The following TPH1 variants were observed in gnomAD, a reference collection of about 807,000 sequenced individuals.
TPH1 encodes tryptophan 5-hydroxylase 1.
Under a neutral mutation model 49.5 loss-of-function variants are expected in TPH1, and 37 were observed. The ratio of observed to expected loss-of-function variants is 0.75; its 90% confidence interval spans 0.58 to 0.98. TPH1 has a LOEUF of 0.98. Among genes scored for constraint, TPH1 ranks in the 50% least tolerant of loss-of-function variants. The probability of loss-of-function intolerance (pLI) is 0.00; values close to 1 mark genes in which losing one functional copy is unlikely to be tolerated. For synonymous variants in TPH1, 160 were observed against 182.1 expected (o/e 0.88, Z 0.98); for missense variants, 487 against 523.6 (o/e 0.93, Z 0.68).
chr11:18,030,129 C>T (rs1336479308), intron 4 of TPH1, among the ~76,000 whole-genome samples: 1 of 152,048 alleles, frequency 6.6e-6, no homozygotes, highest in Non-Finnish European at 1.5e-5. Flanking sequence ...GACAAAATGG[C>T]TGAGCATGGT....
intron 1 of TPH1, 147 bp from the exon 2 acceptor site, chr11:18,040,935 T>A (rs10488682): frequency 0.23 from 155,991 of 687,316 alleles, 19,403 homozygotes; most frequent in Non-Finnish European, 0.26. Context: ...TTTGCAAGAA[T>A]CTAGTGAGAC....
At chr11:18,031,460 A>G (rs1336333722) in intron 4 of TPH1, among the ~76,000 whole-genome samples, 1 of 152,108 alleles carries the variant, frequency 6.6e-6, no homozygotes, top group Admixed American at 6.5e-5. Context: ...TATATTTTCA[A>G]TTCTTTTAAG....
chr11:18,036,252 G>T, intron 2 of TPH1, 110 bp from the exon 3 acceptor site: 1 of 805,606 alleles, frequency 1.2e-6, no homozygotes, highest in Non-Finnish European at 2.0e-6. Flanking sequence ...TCTCAGAACA[G>T]CAAAGGGAAA....
chr11:18,042,480 G>T, intron 1 of TPH1: 2 of 364,394 alleles, frequency 5.5e-6, no homozygotes, highest in South Asian at 2.1e-5. Flanking sequence ...ATAACAAATT[G>T]CTAGTAATAA....
intron 2 of TPH1, among the ~76,000 whole-genome samples, chr11:18,037,533 G>C (rs929497883): frequency 1.3e-5 from 2 of 151,900 alleles, no homozygotes; most frequent in African/African-American, 2.4e-5. Flanking sequence ...GTAAAGAAGA[G>C]TTTCATTTCA....
Position 18,019,930 on chromosome 11 carries a change from A to T in TPH1, c.*1061T>A. The stretch of plus-strand genomic sequence containing the variant: ...CTCTTCTTGACCTTTCTGACATTCT[A>T]TTTCCTCCCCTTTTCTGCAGCCTCT... On this transcript the variant is annotated 3_prime_UTR_variant, in exon 11 of 11. Transcript: ENST00000682019. 1 of 353,642 alleles carries T rather than the reference A, an allele frequency of 2.8e-6. No individual in the cohort carries two copies. Among genetic ancestry groups the T allele is most frequent in the Non-Finnish European group, 5.6e-6 (1 of 180,150 alleles). 21.9% of individuals were successfully genotyped at this position (353,642 alleles called of 1,614,324 possible).
chr11:18,031,685 C>T (rs1485539500), intron 4 of TPH1, among the ~76,000 whole-genome samples: 1 of 152,112 alleles, frequency 6.6e-6, no homozygotes, highest in African/African-American at 2.4e-5. Context: ...CTTAGTAGAT[C>T]AGTAAAACTG....
chr11:18,024,870 TTG>T (rs1244807794), intron 8 of TPH1, among the ~76,000 whole-genome samples: 1 of 152,208 alleles, frequency 6.6e-6, no homozygotes, highest in Admixed American at 6.5e-5. Flanking sequence ...AAGCACCACC[TTG>T]TCTTTCCTTG....
chr11:18,023,597 A>G (rs1214145868), intron 9 of TPH1, among the ~76,000 whole-genome samples: 1 of 152,144 alleles, frequency 6.6e-6, no homozygotes, highest in Non-Finnish European at 1.5e-5. Flanking sequence ...CCACAGCTCT[A>G]TTCAACCCAC....
intron 8 of TPH1, 132 bp from the exon 9 acceptor site, chr11:18,024,115 A>T (rs1474516305): frequency 1.4e-6 from 1 of 720,478 alleles, no homozygotes; most frequent in Non-Finnish European, 2.5e-6. Context: ...AAGTCTTTCT[A>T]CAATCTGACC....
intron 9 of TPH1, among the ~76,000 whole-genome samples, 157 bp downstream of exon 9, chr11:18,023,731 T>C (rs746891020): frequency 2.6e-5 from 4 of 152,142 alleles, no homozygotes; most frequent in Admixed American, 6.6e-5. Context: ...TGATATAATA[T>C]ATAATTGGGA....
chr11:18,025,704 G>A lies in TPH1; in HGVS notation c.804-3C>T, dbSNP rs1847922934. The A allele has an allele frequency of 1.2e-6, 2 of 1,613,750 alleles. No individual in the cohort carries two copies. Among genetic ancestry groups the A allele is most frequent in the African/African-American group, 1.3e-5 (1 of 74,912 alleles). ...CTAAGAGTTCATGGCAGGTATCTCT[G>A]AAAGAGAGGTACAAGTTTGTCACGC... On this transcript the variant is annotated splice_region_variant and splice_polypyrimidine_tract_variant and intron_variant, in intron 7 of 10. Transcript: ENST00000682019.
intron 1 of TPH1, among the ~76,000 whole-genome samples, chr11:18,045,325 A>T (rs1319039386): frequency 6.6e-6 from 1 of 152,244 alleles, no homozygotes; most frequent in Non-Finnish European, 1.5e-5. Flanking sequence ...ACAGTATTCT[A>T]GGAAATAAAG....
chr11:18,036,415 C>G (rs1052070129), intron 2 of TPH1, among the ~76,000 whole-genome samples: 2 of 152,088 alleles, frequency 1.3e-5, no homozygotes, highest in African/African-American at 4.8e-5. Flanking sequence ...GAATTCAAAT[C>G]AAAATATTAT....
chr11:18,038,246 T>A (rs1264964723), intron 2 of TPH1, among the ~76,000 whole-genome samples: 2 of 151,972 alleles, frequency 1.3e-5, no homozygotes, highest in Non-Finnish European at 2.9e-5. Flanking sequence ...AGAAAAATAG[T>A]TTAAAGAGTT....
chr11:18,040,798 G>T lies in TPH1; in HGVS notation c.-26-10C>A. Reference sequence around the variant, plus strand: ...GAGTAATTCTCTAAAACTAAAGTATGAAAACAAAGACTACGGGCTAAAAAA... The same window carrying T: ...GAGTAATTCTCTAAAACTAAAGTATTAAAACAAAGACTACGGGCTAAAAAA... On this transcript the variant is annotated splice_polypyrimidine_tract_variant and intron_variant, in intron 1 of 10. Coordinates refer to ENST00000682019, the MANE Select transcript of TPH1 (RefSeq NM_004179.3). The T allele has an allele frequency of 6.2e-7, 1 of 1,604,128 alleles. No homozygotes were observed.
intron 1 of TPH1, among the ~76,000 whole-genome samples, chr11:18,041,601 C>T (rs1475785874): frequency 1.3e-5 from 2 of 152,198 alleles, no homozygotes; most frequent in Non-Finnish European, 2.9e-5. Context: ...AGATTTTCCT[C>T]ACGGAAGAAA....
At chr11:18,023,560 T>C (rs1854388521) in intron 9 of TPH1, among the ~76,000 whole-genome samples, 1 of 151,370 alleles carries the variant, frequency 6.6e-6, no homozygotes, top group South Asian at 2.1e-4. Context: ...ATGCAATGGC[T>C]CCAACCTACA....
chr11:18,021,164 C>T lies in TPH1; in HGVS notation c.1162G>A (p.Glu388Lys), dbSNP rs1466396994. Residue 388 changes from glutamate to lysine, a missense_variant and splice_region_variant, in exon 11 of 11, where the codon GAA (glutamate) becomes AAA (lysine). Coordinates refer to ENST00000682019, the MANE Select transcript of TPH1 (RefSeq NM_004179.3). ...SFEDAKEKMR[E>K]FTKTIKRPFG... ...GGACGCTTAATTGTTTTGGTAAATT[C>T]TCTATTTAAGAAAACAAATAGGAGA... 1 of 1,613,414 alleles carries T rather than the reference C, an allele frequency of 6.2e-7. No individual in the cohort carries two copies. The highest frequency in any genetic ancestry group is 1.1e-5 in the South Asian group (1 of 91,058).
Sources: allele counts gnomAD v4.1 joint callset (sites outside exome capture counted in the v4.1 genomes callset), GRCh38; gene constraint gnomAD v4.1.1; transcripts MANE v1.5; gene names NCBI Gene and HGNC (gene_info 2026-07-23, HGNC 2026-07-21).